The following NRG3 variants were observed in gnomAD, a reference collection of about 807,000 sequenced individuals.
NRG3 encodes the protein neuregulin 3, also known as pro-neuregulin-3, membrane-bound isoform.
NRG3 carries 31 observed loss-of-function variants against 66.9 expected under a neutral mutation model. The observed-to-expected ratio is 0.46, with a 90% CI of 0.35 to 0.63. The LOEUF (loss-of-function observed/expected upper bound fraction) is 0.63. Among genes scored for constraint, NRG3 ranks in the 20% least tolerant of loss-of-function variants. The pLI is 0.00. For synonymous variants in NRG3, 393 were observed against 359.4 expected (o/e 1.09, Z -1.06); for missense variants, 910 against 878.9 (o/e 1.04, Z -0.45).
intron 2 of NRG3, among the ~76,000 whole-genome samples, chr10:82,593,664 A>G (rs1464359402): frequency 6.6e-6 from 1 of 152,106 alleles, no homozygotes; most frequent in African/African-American, 2.4e-5. Flanking sequence ...GTGATCCATT[A>G]TGATCTCTGT....
At chr10:82,165,384 A>G (rs2071960286) in intron 1 of NRG3, among the ~76,000 whole-genome samples, 1 of 152,056 alleles carries the variant, frequency 6.6e-6, no homozygotes. Context: ...TAAAGGTGAC[A>G]TTTTCTCTTG....
intron 1 of NRG3, among the ~76,000 whole-genome samples, chr10:82,287,984 C>G (rs2079519421): frequency 6.6e-6 from 1 of 152,176 alleles, no homozygotes; most frequent in Admixed American, 6.5e-5. Context: ...ACCCCCAAAT[C>G]AAGGCCAGTA....
At chr10:82,117,079 G>A (rs181576978) in intron 1 of NRG3, among the ~76,000 whole-genome samples, 13 of 152,046 alleles carry the variant, frequency 8.6e-5, no homozygotes, top group Non-Finnish European at 1.5e-4. Context: ...TTTCCATCTG[G>A]TCCACCTTAG....
intron 8 of NRG3, chr10:82,984,783 G>A (rs1853283300): frequency 6.4e-7 from 1 of 1,551,890 alleles, no homozygotes; most frequent in Non-Finnish European, 8.7e-7. Context: ...TGTATTCTAG[G>A]ATAGAGGTCA....
intron 3 of NRG3, among the ~76,000 whole-genome samples, chr10:82,810,626 G>A (rs929052888): frequency 2.6e-5 from 4 of 151,828 alleles, no homozygotes; most frequent in East Asian, 2.0e-4. Context: ...AGCCAGGCGT[G>A]CTGGTGGGTG....
chr10:82,506,997 G>A (rs1844739478), intron 2 of NRG3, among the ~76,000 whole-genome samples: 1 of 152,232 alleles, frequency 6.6e-6, no homozygotes, highest in African/African-American at 2.4e-5. Flanking sequence ...GTACAGGTAA[G>A]ATATGCTGTA....
intron 1 of NRG3, among the ~76,000 whole-genome samples, chr10:82,133,347 T>C (rs1369658601): frequency 1.3e-5 from 2 of 152,164 alleles, no homozygotes; most frequent in Non-Finnish European, 1.5e-5. Flanking sequence ...TTACAGATTA[T>C]TTCATCACCC....
rs765877820 is a variant in NRG3 at position 81,875,869 on chromosome 10, G to T, written c.529G>T (p.Ala177Ser). 6.2e-7 allele frequency: 1 copy of T among 1,610,576 alleles called. No individual in the cohort carries two copies. The highest frequency in any genetic ancestry group is 1.1e-5 in the South Asian group (1 of 91,036). The part of the protein sequence containing the change: ...RFPGHRVPIR[A>S]SPRSTTARNT... ...CCCCGGGCACCGGGTGCCCATCCGG[G>T]CCAGCCCGCGCTCCACCACAGCACG... Residue 177 changes from alanine (A) to serine (S), a missense_variant, in exon 1 of 9, where the codon GCC becomes TCC. Transcript: ENST00000372141. The surrounding 1 kb of genome is among the most constrained non-coding windows in gnomAD (Gnocchi z 5.3).
chr10:82,030,896 AGATTACCT>A (rs1158400297), intron 1 of NRG3, among the ~76,000 whole-genome samples: 1 of 152,158 alleles, frequency 6.6e-6, no homozygotes, highest in Non-Finnish European at 1.5e-5. Flanking sequence ...TGAAGCAAGG[AGATTACCT>A]GATTAGAGAT....
chr10:82,057,171 T>A (rs2063885153), intron 1 of NRG3, among the ~76,000 whole-genome samples: 1 of 152,192 alleles, frequency 6.6e-6, no homozygotes, highest in African/African-American at 2.4e-5. Flanking sequence ...TGTATTTTCT[T>A]CAGATATTTT....
chr10:82,953,141 A>C (rs890612463), intron 5 of NRG3, among the ~76,000 whole-genome samples: 3 of 151,920 alleles, frequency 2.0e-5, no homozygotes, highest in Non-Finnish European at 4.4e-5. Context: ...TCTCCTAGGC[A>C]ACTCTTGGCT....
intron 2 of NRG3, among the ~76,000 whole-genome samples, chr10:82,679,066 G>A (rs1384412402): frequency 6.6e-6 from 1 of 152,166 alleles, no homozygotes; most frequent in Non-Finnish European, 1.5e-5. Flanking sequence ...AATGTCTTGA[G>A]TTTTAGTTTC....
intron 7 of NRG3, among the ~76,000 whole-genome samples, chr10:82,978,465 A>T (rs7895130): frequency 0.015 from 2,351 of 152,332 alleles, 64 homozygotes; most frequent in African/African-American, 0.054. Context: ...TTAATGAGAA[A>T]ATGCCAATTA....
At chr10:82,284,080 A>T (rs1327837770) in intron 1 of NRG3, among the ~76,000 whole-genome samples, 2 of 152,226 alleles carry the variant, frequency 1.3e-5, no homozygotes, top group Non-Finnish European at 2.9e-5. Context: ...AGAACTTTGA[A>T]TTAACTGGCA....
chr10:82,023,409 G>T (rs1428666832), intron 1 of NRG3, among the ~76,000 whole-genome samples: 1 of 152,072 alleles, frequency 6.6e-6, no homozygotes, highest in Admixed American at 6.6e-5. Context: ...TAAAAGTGGT[G>T]ATGGCAGGTA....
intron 6 of NRG3, among the ~76,000 whole-genome samples, chr10:82,963,777 A>G (rs1850919006): frequency 6.6e-6 from 1 of 152,226 alleles, no homozygotes; most frequent in African/African-American, 2.4e-5. Flanking sequence ...CTTGAAAATA[A>G]GTGATGAGGC....
intron 4 of NRG3, among the ~76,000 whole-genome samples, chr10:82,895,413 T>G (rs1345804545): frequency 1.3e-5 from 2 of 151,314 alleles, no homozygotes; most frequent in Non-Finnish European, 2.9e-5. Flanking sequence ...CATGAAACAT[T>G]AAACAAGAGA....
chr10:82,818,157 G>A (rs1417053830), intron 3 of NRG3, among the ~76,000 whole-genome samples: 5 of 152,208 alleles, frequency 3.3e-5, no homozygotes, highest in Admixed American at 1.3e-4. Flanking sequence ...AGAAAATGGG[G>A]TGGTAACTTC....
intron 1 of NRG3, among the ~76,000 whole-genome samples, chr10:81,965,427 TG>T (rs2059695487): frequency 6.6e-6 from 1 of 152,194 alleles, no homozygotes; most frequent in Non-Finnish European, 1.5e-5. Context: ...TTTTTTCTTT[TG>T]TAGATTTAAT....
Sources: gnomAD v4.1 joint callset for allele counts (sites outside exome capture counted in the v4.1 genomes callset) on GRCh38, gnomAD v4.1.1 for gene constraint, Gnocchi (gnomAD v3.1) non-coding constraint, MANE v1.5 for transcripts, NCBI Gene and HGNC (gene_info 2026-07-23, HGNC 2026-07-21) for gene names.